Variants in SHANK1 observed in about 807,000 individuals in gnomAD.
SHANK1 encodes the protein SH3 and multiple ankyrin repeat domains protein 1.
SHANK1 carries 35 observed loss-of-function variants against 165.6 expected under a neutral mutation model. The ratio of observed to expected loss-of-function variants is 0.21; its 90% CI spans 0.16 to 0.28. The LOEUF is 0.28. Among genes scored for constraint, SHANK1 ranks in the 10% least tolerant of loss-of-function variants. SHANK1 has a pLI of 1.00. For synonymous variants in SHANK1, 1,428 were observed against 1,384.8 expected (o/e 1.03, Z -0.69); for missense variants, 2,681 against 3,036.4 (o/e 0.88, Z 2.75).
At position 50,660,465 on chromosome 19, in the gene SHANK1, C is replaced by T. The variant is rs1412611179; in HGVS notation, c.*1500G>A. On this transcript the variant is annotated 3_prime_UTR_variant, in exon 24 of 24. Coordinates refer to ENST00000293441, the MANE Select transcript of SHANK1 (RefSeq NM_016148.5). ...CTTCTCTCACCAGGAAGAGAAAGAG[C>T]TTAAGGAGGTAAGAGAATCCGAATG... Among the ~76,000 whole-genome samples the T allele has an allele frequency of 1.3e-5, 2 of 151,874 alleles. No individual in the cohort carries two copies. The highest frequency in any genetic ancestry group is 2.1e-4 in the South Asian group (1 of 4,798).
chr19:50,704,538 A>C, intron 8 of SHANK1, 24 bp from the exon 9 acceptor site: 1 of 1,602,676 alleles, frequency 6.2e-7, no homozygotes, highest in Non-Finnish European at 8.5e-7. Context: ...CCAGTGGCAC[A>C]GGACAAAGAG....
In SHANK1 at chr19:50,666,818, A is replaced by G; in HGVS notation, c.5142T>C (p.Ala1714=). 6.5e-7 allele frequency: 1 copy of G among 1,549,110 alleles called. No homozygotes were observed. Among genetic ancestry groups the G allele is most frequent in the Non-Finnish European group, 8.7e-7 (1 of 1,147,220 alleles). Residue 1714 remains alanine, a synonymous_variant, in exon 23 of 24, where the codon GCT becomes GCC. Coordinates refer to ENST00000293441, the MANE Select transcript of SHANK1 (RefSeq NM_016148.5). ...CCGGCCCACTGGCCACACCGGCCCCAGCCCCGCCCCCACCCCCTGCGCTGC... is the reference window on the plus strand; with the variant it reads ...CCGGCCCACTGGCCACACCGGCCCCGGCCCCGCCCCCACCCCCTGCGCTGC... ...GGGSAGGGGG[A]GAGVASGPEL...
In SHANK1 at chr19:50,702,722, C is replaced by A; in HGVS notation, c.1554-62G>T. The A allele has an allele frequency of 9.0e-7, 1 of 1,112,070 alleles. No individual in the cohort carries two copies. Among genetic ancestry groups the A allele is most frequent in the South Asian group, 1.6e-5 (1 of 64,462 alleles). The allele number at this position is 1,112,070 out of a possible 1,614,324, so 68.9% of individuals were successfully genotyped here. On this transcript the variant is annotated intron_variant, in intron 11 of 23. Coordinates refer to ENST00000293441, the MANE Select transcript of SHANK1 (RefSeq NM_016148.5). The surrounding 1 kb of genome is among the most constrained non-coding windows in gnomAD (Gnocchi z 5.3). The stretch of plus-strand genomic sequence containing the variant: ...GAGGGAGGGGACACCTCTGGGAGGA[C>A]AGGGGTCCTTGGGTGGGGGAAGAGG...
At chr19:50,689,548 G>A (rs1265338649) in intron 15 of SHANK1, 3 of 609,144 alleles carry the variant, frequency 4.9e-6, no homozygotes, top group African/African-American at 1.9e-5. Flanking sequence ...TCAGCACCAG[G>A]CACGGTGGGG....
chr19:50,706,069 G>C (rs1028718941), intron 8 of SHANK1, among the ~76,000 whole-genome samples: 2 of 150,642 alleles, frequency 1.3e-5, no homozygotes, highest in African/African-American at 4.9e-5. Flanking sequence ...TGAGGTGAGA[G>C]GATCACTTGA....
chr19:50,719,038 G>A (rs1284794100), intron 1 of SHANK1, among the ~76,000 whole-genome samples: 6 of 151,688 alleles, frequency 4.0e-5, no homozygotes, highest in Admixed American at 3.9e-4. Flanking sequence ...GTGACCTGGC[G>A]GAGGGGCCCA....
intron 8 of SHANK1, among the ~76,000 whole-genome samples, chr19:50,706,827 G>A (rs1397506112): frequency 6.6e-6 from 1 of 151,732 alleles, no homozygotes; most frequent in Non-Finnish European, 1.5e-5. Flanking sequence ...ACCCAGGCTG[G>A]AGTGCAGTGA....
Position 50,690,493 on chromosome 19 carries a change from C to T in SHANK1, c.1965-1214G>A, listed in dbSNP as rs565749849. Among the ~76,000 whole-genome samples the T allele has an allele frequency of 2.1e-4, 32 of 152,238 alleles. No individual in the cohort carries two copies. Among genetic ancestry groups the T allele is most frequent in the South Asian group, 4.1e-4 (2 of 4,830 alleles). ...CAAGAACACCCAGGAGTCACTGGAACGCGTGCTCTGCTGTGCTGAGCTTCC... is the reference window on the plus strand; with the variant it reads ...CAAGAACACCCAGGAGTCACTGGAATGCGTGCTCTGCTGTGCTGAGCTTCC... On this transcript the variant is annotated intron_variant, in intron 15 of 23. Coordinates refer to ENST00000293441, the MANE Select transcript of SHANK1 (RefSeq NM_016148.5). The surrounding 1 kb of genome is among the most constrained non-coding windows in gnomAD (Gnocchi z 4.9).
rs776099054 is a variant in SHANK1, at chr19:50,669,089, G to A, written c.2871C>T (p.Gly957=). The change falls in exon 23 of 24, where the codon GGC becomes GGT. Residue 957 remains glycine, a synonymous_variant. Transcript: ENST00000293441. ...PSPRGGPFNP[G]SGGPLPASSP... is the part of the protein sequence containing the mutation. ...AGGAGGCGGGGAGGGGGCCACCAGA[G>A]CCAGGGTTGAAGGGCCCTCCCCGAG... 82 of 1,390,184 alleles carry A rather than the reference G, an allele frequency of 5.9e-5. No homozygotes were observed. The highest frequency in any genetic ancestry group is 7.7e-5 in the Non-Finnish European group (81 of 1,045,688). 86.1% of individuals were successfully genotyped at this position (1,390,184 alleles called of 1,614,324 possible). A position where few individuals can be genotyped will look rare whatever the true frequency, so the allele number is the denominator to read the frequency against.
At chr19:50,689,391 G>T in intron 15 of SHANK1, 112 bp from the exon 16 acceptor site, 1 of 781,588 alleles carries the variant, frequency 1.3e-6, no homozygotes, top group Non-Finnish European at 2.3e-6. Flanking sequence ...CTGCTCCAGG[G>T]CCATTAATTG....
chr19:50,689,453 G>A, intron 15 of SHANK1, 174 bp from the exon 16 acceptor site: 2 of 703,796 alleles, frequency 2.8e-6, no homozygotes, highest in Non-Finnish European at 5.2e-6. Context: ...TAGCCCTGAT[G>A]GGCTTCCCCC....
rs375139572 is a variant in SHANK1 at position 50,704,102 on chromosome 19, G to A, written c.1222+18C>T. On this transcript the variant is annotated intron_variant, in intron 10 of 23. Coordinates refer to ENST00000293441, the MANE Select transcript of SHANK1 (RefSeq NM_016148.5). The stretch of plus-strand genomic sequence containing the variant: ...CCGCCCCAGGTTCTCTGTGCAGTCC[G>A]AGCTCCCTGTCACTCACCCACATCC... 3.3e-5 allele frequency: 53 copies of A among 1,612,442 alleles called. 1 individual carries two copies. In the East Asian group the frequency reaches 3.6e-4, roughly 11 times the overall value.
At chr19:50,707,878 TTTC>T (rs1456726505) in intron 8 of SHANK1, among the ~76,000 whole-genome samples, 10 of 2,212 alleles carry the variant, frequency 4.5e-3, no homozygotes, top group Admixed American at 0.02. Context: ...TTTGCGTGTT[TTTC>T]TTTTCTTTTC....
rs2089015330 is a variant in SHANK1 at position 50,711,939 on chromosome 19, A to G, written c.960+8T>C. ...ACCCCAGCCCTTCATGGCCTGAATC[A>G]GGAGCACCTGGTGGATTTCCTGCCA... is the stretch of plus-strand genomic sequence containing the variant. On this transcript the variant is annotated splice_region_variant and intron_variant, in intron 7 of 23. Coordinates refer to ENST00000293441, the MANE Select transcript of SHANK1 (RefSeq NM_016148.5). 1 of 1,613,844 alleles carries G rather than the reference A, an allele frequency of 6.2e-7. No homozygotes were observed. Among genetic ancestry groups the G allele is most frequent in the Non-Finnish European group, 8.5e-7 (1 of 1,180,004 alleles).
Position 50,668,540 on chromosome 19 carries a change from C to T in SHANK1, c.3420G>A (p.Pro1140=). Residue 1140 remains proline (P), a synonymous_variant, in exon 23 of 24, where the codon CCG becomes CCA. Transcript: ENST00000293441. ...PSPTSPASPQ[P]PPAVAAPSEK... ...CCGAGGGCGCGGCCACGGCGGGCGG[C>T]GGCTGCGGGGAGGCCGGGGACGTGG... 1.5e-6 allele frequency: 2 copies of T among 1,352,276 alleles called. No homozygotes were observed. Among genetic ancestry groups the T allele is most frequent in the South Asian group, 2.3e-5 (1 of 42,860 alleles). The allele number at this position is 1,352,276 out of a possible 1,614,324, so 83.8% of individuals were successfully genotyped here.
chr19:50,711,941 G>T lies in SHANK1; in HGVS notation c.960+6C>A. 6.2e-7 allele frequency: 1 copy of T among 1,613,980 alleles called. No individual in the cohort carries two copies. Among genetic ancestry groups the T allele is most frequent in the South Asian group, 1.1e-5 (1 of 91,074 alleles). Reference sequence around the variant, plus strand: ...CCCAGCCCTTCATGGCCTGAATCAGGAGCACCTGGTGGATTTCCTGCCAGC... The same window carrying T: ...CCCAGCCCTTCATGGCCTGAATCAGTAGCACCTGGTGGATTTCCTGCCAGC... On this transcript the variant is annotated splice_donor_region_variant and intron_variant, in intron 7 of 23. Coordinates refer to ENST00000293441, the MANE Select transcript of SHANK1 (RefSeq NM_016148.5).
chr19:50,695,999 A>AGAC (rs1447921059), intron 15 of SHANK1, among the ~76,000 whole-genome samples: 3 of 152,188 alleles, frequency 2.0e-5, no homozygotes, highest in Non-Finnish European at 4.4e-5. Context: ...AGGCCAGCGC[A>AGAC]GACAGGGTCC....
At chr19:50,671,599 G>C (rs1368771527) in intron 22 of SHANK1, among the ~76,000 whole-genome samples, 1 of 151,796 alleles carries the variant, frequency 6.6e-6, no homozygotes, top group Non-Finnish European at 1.5e-5. Flanking sequence ...AAGCCCATGA[G>C]GGCAGGAACC....
intron 21 of SHANK1, among the ~76,000 whole-genome samples, chr19:50,674,444 C>A (rs1040415221): frequency 6.6e-6 from 1 of 152,194 alleles, no homozygotes. Context: ...TATACCCCCT[C>A]CTGCCTCTTT....
Sources: allele counts gnomAD v4.1 joint callset (sites outside exome capture counted in the v4.1 genomes callset), GRCh38; gene constraint gnomAD v4.1.1; non-coding constraint Gnocchi (gnomAD v3.1); transcripts MANE v1.5; gene names NCBI Gene and HGNC (gene_info 2026-07-23, HGNC 2026-07-21).